The following DNM3 variants were observed in gnomAD, a reference collection of about 807,000 sequenced individuals.
DNM3 encodes the protein dynamin-3.
Under a neutral mutation model 101.6 loss-of-function variants are expected in DNM3, and 47 were observed. The observed-to-expected ratio is 0.46, with a 90% confidence interval of 0.37 to 0.59. The LOEUF is 0.59. Ranked by LOEUF, DNM3 falls within the 20% of genes least tolerant of loss-of-function variation. The pLI is 0.00. For synonymous variants in DNM3, 385 were observed against 387.9 expected (o/e 0.99, Z 0.09); for missense variants, 849 against 1,085.7 (o/e 0.78, Z 3.06).
chr1:172,221,143 A>G (rs1229410012), intron 14 of DNM3, among the ~76,000 whole-genome samples: 2 of 152,128 alleles, frequency 1.3e-5, no homozygotes, highest in Non-Finnish European at 2.9e-5. Flanking sequence ...AAGAAAAAGA[A>G]TGTATTATTA....
At chr1:172,302,298 G>C (rs1362725548) in intron 15 of DNM3, among the ~76,000 whole-genome samples, 1 of 152,198 alleles carries the variant, frequency 6.6e-6, no homozygotes, top group African/African-American at 2.4e-5. Flanking sequence ...TGACTTGCCA[G>C]GCAGCAGCCT....
chr1:172,273,327 G>C (rs1362449656), intron 15 of DNM3, among the ~76,000 whole-genome samples: 2 of 151,790 alleles, frequency 1.3e-5, no homozygotes, highest in East Asian at 3.9e-4. Flanking sequence ...AAGCCAATGA[G>C]CCATCCTTAA....
Position 172,249,126 on chromosome 1 carries a change from C to A in DNM3, c.1660-4447C>A, listed in dbSNP as rs576908788. Among the ~76,000 whole-genome samples the A allele has an allele frequency of 2.1e-3, 324 of 152,234 alleles. 2 individuals carry two copies. Among genetic ancestry groups the A allele is most frequent in the South Asian group, 0.015 (73 of 4,826 alleles). On this transcript the variant is annotated intron_variant, in intron 14 of 20. Transcript: ENST00000627582. ...GTCCTTTGCATATGCAGGAGCTATTCCCCCACACACCTGATCCTCTGCTCA... is the reference window on the plus strand; with the variant it reads ...GTCCTTTGCATATGCAGGAGCTATTACCCCACACACCTGATCCTCTGCTCA...
chr1:171,898,009 T>A (rs2037965042), intron 1 of DNM3, among the ~76,000 whole-genome samples: 1 of 152,108 alleles, frequency 6.6e-6, no homozygotes, highest in Admixed American at 6.5e-5. Context: ...AGGATTTAAT[T>A]AGGAGAGGGA....
intron 15 of DNM3, chr1:172,289,629 T>G: frequency 2.0e-6 from 2 of 979,796 alleles, no homozygotes; most frequent in Non-Finnish European, 2.4e-6. Flanking sequence ...ATTTTCCAAC[T>G]TGCTCAATTT....
At chr1:172,354,672 C>A (rs1038521587) in intron 17 of DNM3, among the ~76,000 whole-genome samples, 1 of 151,948 alleles carries the variant, frequency 6.6e-6, no homozygotes, top group African/African-American at 2.4e-5. Context: ...CTTTTAAATT[C>A]CTGACTGAGC....
intron 2 of DNM3, among the ~76,000 whole-genome samples, chr1:171,980,441 T>G (rs368931904): frequency 6.6e-6 from 1 of 152,154 alleles, no homozygotes; most frequent in East Asian, 1.9e-4. Context: ...CATTTAGCAT[T>G]TCTTAGTGTT....
chr1:172,125,516 G>A (rs888403561), intron 13 of DNM3, among the ~76,000 whole-genome samples: 4 of 152,080 alleles, frequency 2.6e-5, no homozygotes, highest in African/African-American at 9.7e-5. Flanking sequence ...TCTTAGGGTA[G>A]GCTAATCACC....
At chr1:172,062,944 G>C (rs1011891626) in intron 10 of DNM3, among the ~76,000 whole-genome samples, 7 of 152,128 alleles carry the variant, frequency 4.6e-5, no homozygotes, top group African/African-American at 9.7e-5. Context: ...ACAAAGGATT[G>C]CTAGGGATTT....
intron 14 of DNM3, among the ~76,000 whole-genome samples, chr1:172,175,697 T>C (rs1334019926): frequency 6.6e-6 from 1 of 151,848 alleles, no homozygotes; most frequent in East Asian, 1.9e-4. Context: ...GTAAACATTT[T>C]ATTATAACAA....
At chr1:172,304,515 G>C (rs2064680143) in intron 15 of DNM3, among the ~76,000 whole-genome samples, 1 of 152,102 alleles carries the variant, frequency 6.6e-6, no homozygotes, top group African/African-American at 2.4e-5. Flanking sequence ...ATTGAACTCA[G>C]CTCTGCACCA....
intron 18 of DNM3, among the ~76,000 whole-genome samples, chr1:172,382,768 A>G (rs2068982279): frequency 1.3e-5 from 2 of 152,156 alleles, no homozygotes; most frequent in Non-Finnish European, 2.9e-5. Context: ...AATCTTTCTC[A>G]TATTTAAGCA....
chr1:172,255,373 C>T (rs1402824343), intron 15 of DNM3, among the ~76,000 whole-genome samples: 2 of 152,090 alleles, frequency 1.3e-5, no homozygotes, highest in Non-Finnish European at 2.9e-5. Context: ...AAGCAATCAT[C>T]AGAGGTGTGC....
intron 11 of DNM3, among the ~76,000 whole-genome samples, chr1:172,076,827 CATAAA>C (rs998628893): frequency 3.3e-5 from 5 of 152,160 alleles, no homozygotes; most frequent in Non-Finnish European, 5.9e-5. Context: ...ACGTTGGCAT[CATAAA>C]ATGAGTTAGG....
chr1:171,920,651 T>C (rs2040085146), intron 1 of DNM3, among the ~76,000 whole-genome samples: 3 of 152,222 alleles, frequency 2.0e-5, no homozygotes, highest in Non-Finnish European at 4.4e-5. Context: ...TTAAAAACTG[T>C]GCTATAGGTA....
intron 15 of DNM3, among the ~76,000 whole-genome samples, chr1:172,295,516 T>G (rs2064123388): frequency 6.6e-6 from 1 of 152,166 alleles, no homozygotes; most frequent in Non-Finnish European, 1.5e-5. Context: ...CAGAGATTAT[T>G]TTTGTATTCC....
At chr1:172,300,208 T>C (rs2064372807) in intron 15 of DNM3, among the ~76,000 whole-genome samples, 1 of 152,114 alleles carries the variant, frequency 6.6e-6, no homozygotes, top group Non-Finnish European at 1.5e-5. Context: ...TCTGTTCATG[T>C]CCTTTGCCTA....
chr1:172,399,361 A>C (rs1240592977), intron 20 of DNM3, among the ~76,000 whole-genome samples: 1 of 152,212 alleles, frequency 6.6e-6, no homozygotes, highest in East Asian at 1.9e-4. Context: ...ATTTAGAAAC[A>C]ATATGACATG....
At chr1:172,022,852 C>T (rs1232281945) in intron 4 of DNM3, among the ~76,000 whole-genome samples, 1 of 152,114 alleles carries the variant, frequency 6.6e-6, no homozygotes, top group Non-Finnish European at 1.5e-5. Flanking sequence ...TATACTCACA[C>T]ACTCACATAT....
Sources: allele counts gnomAD v4.1 joint callset (sites outside exome capture counted in the v4.1 genomes callset), GRCh38; gene constraint gnomAD v4.1.1; transcripts MANE v1.5; gene names NCBI Gene and HGNC (gene_info 2026-07-23, HGNC 2026-07-21).